The following SMAD2 variants were observed in gnomAD, a reference collection of about 807,000 sequenced individuals.
SMAD2 encodes the protein SMAD family member 2, also known as MAD homolog 2.
SMAD2 carries 8 observed loss-of-function variants against 64.4 expected under a neutral mutation model. The observed-to-expected ratio is 0.12, with a 90% CI of 0.07 to 0.22. The LOEUF is 0.22. Ranked by LOEUF, SMAD2 falls within the 10% of genes least tolerant of loss-of-function variation. SMAD2 has a pLI of 1.00. For synonymous variants in SMAD2, 203 were observed against 195.8 expected (o/e 1.04, Z -0.31); for missense variants, 289 against 561.2 (o/e 0.51, Z 4.90).
Position 47,869,475 on chromosome 18 carries a change from A to T in SMAD2, c.327-39T>A, listed in dbSNP as rs1380207313. On this transcript the variant is annotated intron_variant, in intron 3 of 10. Transcript: ENST00000262160. Reference sequence around the variant, plus strand: ...AGGGGAAAAGAAAGGAGGGAACTTTAAAAAAAAAAAAAAAAAAGTGCAGTC... The same window carrying T: ...AGGGGAAAAGAAAGGAGGGAACTTTTAAAAAAAAAAAAAAAAAGTGCAGTC... The T allele has an allele frequency of 2.7e-4, 19 of 70,114 alleles. No individual in the cohort carries two copies. Among genetic ancestry groups the T allele is most frequent in the African/African-American group, 7.3e-4 (5 of 6,852 alleles). The allele number at this position is 70,114 out of a possible 1,614,324, so 4.3% of individuals were successfully genotyped here. A position where few individuals can be genotyped will look rare whatever the true frequency, so the allele number is the denominator to read the frequency against.
At chr18:47,887,855 G>T (rs1415645439) in intron 2 of SMAD2, among the ~76,000 whole-genome samples, 1 of 152,114 alleles carries the variant, frequency 6.6e-6, no homozygotes, top group East Asian at 1.9e-4. Context: ...ATTAACAAAA[G>T]GGAGAAATAC....
In SMAD2 at chr18:47,826,402, T is replaced by G. The variant is rs184650651; in HGVS notation, c.*15425A>C. 1 of 152,398 alleles carries G rather than the reference T, an allele frequency of 6.6e-6. No homozygotes were observed. Among genetic ancestry groups the G allele is most frequent in the East Asian group, 1.9e-4 (1 of 5,190 alleles). 9.4% of individuals were successfully genotyped at this position (152,398 alleles called of 1,614,324 possible). ...CTCTGTAGTGCCTTTCCACACTGGG[T>G]TTAGCCATGTGGCTTGTTTCTGGTG... On this transcript the variant is annotated 3_prime_UTR_variant, in exon 11 of 11. Coordinates refer to ENST00000262160, the MANE Select transcript of SMAD2 (RefSeq NM_005901.6).
rs1913792319 is a variant in SMAD2 at position 47,840,056 on chromosome 18, G to A, written c.*1771C>T. On this transcript the variant is annotated 3_prime_UTR_variant, in exon 11 of 11. Transcript: ENST00000262160. ...ACCCAAAGACTAAGAAAAGTTCCTG[G>A]TACAAACAGGTGAACAATAAATATT... The A allele has an allele frequency of 4.3e-6, 1 of 232,930 alleles. No homozygotes were observed. The allele number at this position is 232,930 out of a possible 1,614,324, so 14.4% of individuals were successfully genotyped here.
intron 2 of SMAD2, among the ~76,000 whole-genome samples, chr18:47,893,437 T>A (rs915200122): frequency 6.6e-6 from 1 of 152,200 alleles, no homozygotes; most frequent in Admixed American, 6.5e-5. Context: ...GCAATTTGTT[T>A]CCCGTTCTTC....
rs145744265 is a variant in SMAD2, at chr18:47,849,657, T to A, written c.785-970A>T. 7.9e-3 allele frequency among the ~76,000 whole-genome samples: 1,198 copies of A among 152,216 alleles called. 9 individuals carry two copies. Among genetic ancestry groups the A allele is most frequent in the Middle Eastern group, 0.014 (4 of 294 alleles). On this transcript the variant is annotated intron_variant, in intron 7 of 10. Transcript: ENST00000262160. ...CATCCTGTATACTTTAAATAATCTC[T>A]AGATTACTTATAATACCTAATAATA...
At position 47,828,312 on chromosome 18, in the gene SMAD2, T is replaced by G. The variant is rs1388237895; in HGVS notation, c.*13515A>C. On this transcript the variant is annotated 3_prime_UTR_variant, in exon 11 of 11. Coordinates refer to ENST00000262160, the MANE Select transcript of SMAD2 (RefSeq NM_005901.6). ...CCGGCCAGCTGCCCCGTTCGGGAGG[T>G]GGGGGGCAGCCCCCGGCCAGCATCC... 1.4e-5 allele frequency: 2 copies of G among 145,452 alleles called. No homozygotes were observed. The highest frequency in any genetic ancestry group is 5.3e-5 in the African/African-American group (2 of 37,754). The allele number at this position is 145,452 out of a possible 1,614,324, so 9.0% of individuals were successfully genotyped here. A position where few individuals can be genotyped will look rare whatever the true frequency, so the allele number is the denominator to read the frequency against.
At chr18:47,917,682 T>C (rs2034390258) in intron 1 of SMAD2, among the ~76,000 whole-genome samples, 2 of 152,186 alleles carry the variant, frequency 1.3e-5, no homozygotes, top group South Asian at 4.1e-4. Context: ...AAACTTTAAC[T>C]CATCATTGCA....
At position 47,828,516 on chromosome 18, in the gene SMAD2, G is replaced by C. The variant is rs913364299; in HGVS notation, c.*13311C>G. 1 of 171,294 alleles carries C rather than the reference G, an allele frequency of 5.8e-6. No individual in the cohort carries two copies. Among genetic ancestry groups the C allele is most frequent in the African/African-American group, 2.4e-5 (1 of 41,712 alleles). The allele number at this position is 171,294 out of a possible 1,614,324, so 10.6% of individuals were successfully genotyped here. A position where few individuals can be genotyped will look rare whatever the true frequency, so the allele number is the denominator to read the frequency against. Reference sequence around the variant, plus strand: ...AAGGGGGAAATGTGGGGAAAGGAAAGAGAGATCAGATTGTTGCTGTGTCTG... The same window carrying C: ...AAGGGGGAAATGTGGGGAAAGGAAACAGAGATCAGATTGTTGCTGTGTCTG... On this transcript the variant is annotated 3_prime_UTR_variant, in exon 11 of 11. Coordinates refer to ENST00000262160, the MANE Select transcript of SMAD2 (RefSeq NM_005901.6).
At chr18:47,909,039 A>G (rs1486561382) in intron 1 of SMAD2, among the ~76,000 whole-genome samples, 1 of 151,646 alleles carries the variant, frequency 6.6e-6, no homozygotes, top group Non-Finnish European at 1.5e-5. Flanking sequence ...CCATTTCAAG[A>G]TAAATGAATC....
intron 2 of SMAD2, among the ~76,000 whole-genome samples, chr18:47,871,399 G>T (rs1462534595): frequency 6.6e-6 from 1 of 152,160 alleles, no homozygotes; most frequent in African/African-American, 2.4e-5. Context: ...AATGAATCAA[G>T]CAATTGATTA....
At chr18:47,915,140 C>G (rs2034284411) in intron 1 of SMAD2, among the ~76,000 whole-genome samples, 1 of 152,128 alleles carries the variant, frequency 6.6e-6, no homozygotes, top group African/African-American at 2.4e-5. Flanking sequence ...AGTACTTGAT[C>G]AGACATAAGA....
At position 47,809,831 on chromosome 18, in the gene SMAD2, C is replaced by A. The variant is rs1440456907; in HGVS notation, c.*31996G>T. 1 of 152,076 alleles carries A rather than the reference C, an allele frequency of 6.6e-6. No individual in the cohort carries two copies. The highest frequency in any genetic ancestry group is 1.5e-5 in the Non-Finnish European group (1 of 68,014). 9.4% of individuals were successfully genotyped at this position (152,076 alleles called of 1,614,324 possible). ...GGAGATTTCTTTTTAATTCTCCAAC[C>A]AAAAAGAACTACTCATTTCCTTTTG... On this transcript the variant is annotated 3_prime_UTR_variant, in exon 11 of 11. Transcript: ENST00000262160.
At chr18:47,924,859 G>A (rs1345671099) in intron 1 of SMAD2, among the ~76,000 whole-genome samples, 2 of 152,206 alleles carry the variant, frequency 1.3e-5, no homozygotes, top group Admixed American at 1.3e-4. Flanking sequence ...CAGAATTTCT[G>A]GAAGTAGCTG....
chr18:47,868,505 G>C (rs376942381), intron 4 of SMAD2, 48 bp from the exon 5 acceptor site: 1 of 1,547,768 alleles, frequency 6.5e-7, no homozygotes, highest in African/African-American at 1.4e-5. Context: ...GCAAAGGGGA[G>C]TGGGGGAACC....
chr18:47,856,471 A>C (rs1044154423), intron 6 of SMAD2, among the ~76,000 whole-genome samples: 1 of 152,228 alleles, frequency 6.6e-6, no homozygotes, highest in Non-Finnish European at 1.5e-5. Context: ...TATGCTTTAA[A>C]AAGTCTAATT....
intron 2 of SMAD2, among the ~76,000 whole-genome samples, chr18:47,884,349 C>G (rs921347392): frequency 6.6e-6 from 1 of 152,068 alleles, no homozygotes; most frequent in Non-Finnish European, 1.5e-5. Context: ...ACTGTTGTCC[C>G]CATTTGACAA....
chr18:47,886,570 CATCT>C (rs5824712), intron 2 of SMAD2, among the ~76,000 whole-genome samples: 32,581 of 146,594 alleles, frequency 0.22, 3,661 homozygotes, highest in East Asian at 0.27. Flanking sequence ...TATATCTATC[CATCT>C]ATCTATCTAT....
chr18:47,911,410 C>T (rs765336379), intron 1 of SMAD2, among the ~76,000 whole-genome samples: 10 of 151,866 alleles, frequency 6.6e-5, no homozygotes, highest in Admixed American at 4.6e-4. Context: ...TCACGCCCCT[C>T]GAAACAGAAA....
intron 6 of SMAD2, among the ~76,000 whole-genome samples, chr18:47,863,239 A>G (rs931362795): frequency 2.0e-5 from 3 of 152,166 alleles, no homozygotes; most frequent in Non-Finnish European, 4.4e-5. Context: ...AGAGAAACTG[A>G]TATTGGGTAA....
Sources: allele counts gnomAD v4.1 joint callset (sites outside exome capture counted in the v4.1 genomes callset), GRCh38; gene constraint gnomAD v4.1.1; transcripts MANE v1.5; gene names NCBI Gene and HGNC (gene_info 2026-07-23, HGNC 2026-07-21).